The following SUPT4H1 variants were observed in gnomAD, a reference collection of about 807,000 sequenced individuals.
SUPT4H1 encodes SPT4 homolog, DSIF elongation factor subunit.
Under a neutral mutation model 19.4 loss-of-function variants are expected in SUPT4H1, and 12 were observed. The ratio of observed to expected loss-of-function variants is 0.62; its 90% CI spans 0.40 to 1.00. SUPT4H1 has a LOEUF of 1.00. SUPT4H1 is among the 50% of genes least tolerant of loss of function. The pLI, the probability that SUPT4H1 is intolerant of heterozygous loss-of-function variation, is 0.00. For missense variants in SUPT4H1, 115 were observed against 149.2 expected (o/e 0.77, Z 1.19); for synonymous variants, 58 against 56.3 (o/e 1.03, Z -0.14).
In SUPT4H1 at chr17:58,352,174, A is replaced by G. The variant is rs753303779; in HGVS notation, c.-39T>C. 1.2e-6 allele frequency: 2 copies of G among 1,601,156 alleles called. No individual in the cohort carries two copies. Among genetic ancestry groups the G allele is most frequent in the Non-Finnish European group, 1.7e-6 (2 of 1,168,650 alleles). On this transcript the variant is annotated 5_prime_UTR_variant, in exon 1 of 5. Transcript: ENST00000225504. ...AAGAACAACAGGGAGATAGACGACCACAGCCTGTGCACCCGCAGGAAGTAA... is the reference window on the plus strand; with the variant it reads ...AAGAACAACAGGGAGATAGACGACCGCAGCCTGTGCACCCGCAGGAAGTAA...
chr17:58,350,324 C>T (rs1972451338), intron 2 of SUPT4H1, among the ~76,000 whole-genome samples: 1 of 151,696 alleles, frequency 6.6e-6, no homozygotes, highest in African/African-American at 2.4e-5. Context: ...CCAGTCTGAC[C>T]AACATGGTGA....
chr17:58,346,341 G>GT, intron 4 of SUPT4H1, 28 bp from the exon 5 acceptor site: 1 of 1,609,172 alleles, frequency 6.2e-7, no homozygotes, highest in Non-Finnish European at 8.5e-7. Flanking sequence ...ACAGTTCTGT[G>GT]AGGTAAGATT....
intron 1 of SUPT4H1, 67 bp from the exon 2 acceptor site, chr17:58,351,575 C>CT: frequency 8.9e-7 from 1 of 1,120,948 alleles, no homozygotes; most frequent in Non-Finnish European, 1.3e-6. Context: ...GAAAAAGTAG[C>CT]TTTCTCAATA....
chr17:58,351,441 C>T lies in SUPT4H1; in HGVS notation c.137G>A (p.Arg46Gln). The T allele has an allele frequency of 5.6e-6, 9 of 1,613,954 alleles. No individual in the cohort carries two copies. Among genetic ancestry groups the T allele is most frequent in the African/African-American group, 1.3e-5 (1 of 74,972 alleles). The change falls in exon 2 of 5, where the codon CGA (arginine) becomes CAA (glutamine). Residue 46 changes from arginine to glutamine, a missense_variant. Arg to Gln is a conservative substitution (Grantham distance 43, BLOSUM62 1). Coordinates refer to ENST00000225504, the MANE Select transcript of SUPT4H1 (RefSeq NM_003168.3). ...GCTAGTGCAGTCATATACCATCTCT[C>T]GGTTACCCTTCATTTGTAGATATGC... is the stretch of plus-strand genomic sequence containing the variant. ...CDAYLQMKGNREMVYDCTSSS... is the reference protein window; with the variant it reads ...CDAYLQMKGNQEMVYDCTSSS...
Position 58,351,500 on chromosome 17 carries a change from G to A in SUPT4H1, c.78C>T (p.Asp26=). Residue 26 remains aspartate (D), a synonymous_variant, in exon 2 of 5, where the codon GAC becomes GAT. Coordinates refer to ENST00000225504, the MANE Select transcript of SUPT4H1 (RefSeq NM_003168.3). ...TGTCACAACCATCATATTCAAACTG[G>A]TCTATAGTCTGGGAGTGAAAGAAAA... The part of the protein sequence containing the change: ...CLLCSLVKTI[D]QFEYDGCDNC... 1 of 1,610,774 alleles carries A rather than the reference G, an allele frequency of 6.2e-7. No individual in the cohort carries two copies. The highest frequency in any genetic ancestry group is 8.5e-7 in the Non-Finnish European group (1 of 1,177,244).
chr17:58,349,982 T>C (rs764100390), intron 2 of SUPT4H1, among the ~76,000 whole-genome samples: 5 of 152,190 alleles, frequency 3.3e-5, no homozygotes, highest in Non-Finnish European at 5.9e-5. Flanking sequence ...TGCCACTGAA[T>C]TGTGTATTTA....
Position 58,351,785 on chromosome 17 carries a change from C to T in SUPT4H1, c.70-277G>A, listed in dbSNP as rs1285574781. ...CGACTACTCACTCAGCAGCGGATCC[C>T]CACCCGCCTCTGACTCCCAGTGTCT... is the stretch of plus-strand genomic sequence containing the variant. On this transcript the variant is annotated intron_variant, in intron 1 of 4. Coordinates refer to ENST00000225504, the MANE Select transcript of SUPT4H1 (RefSeq NM_003168.3). 7.0e-6 allele frequency: 4 copies of T among 572,238 alleles called. No individual in the cohort carries two copies. In the African/African-American group the frequency reaches 7.6e-5, roughly 11 times the overall value. 35.4% of individuals were successfully genotyped at this position (572,238 alleles called of 1,614,324 possible). A position where few individuals can be genotyped will look rare whatever the true frequency, so the allele number is the denominator to read the frequency against.
Position 58,346,164 on chromosome 17 carries a change from A to G in SUPT4H1, c.*82T>C, listed in dbSNP as rs1250528182. 2.7e-6 allele frequency: 3 copies of G among 1,117,712 alleles called. No individual in the cohort carries two copies. The highest frequency in any genetic ancestry group is 4.1e-6 in the Non-Finnish European group (3 of 731,122). 69.2% of individuals were successfully genotyped at this position (1,117,712 alleles called of 1,614,324 possible). A position where few individuals can be genotyped will look rare whatever the true frequency, so the allele number is the denominator to read the frequency against. On this transcript the variant is annotated 3_prime_UTR_variant, in exon 5 of 5. Transcript: ENST00000225504. ...GAATTGGAGGGTAGGAAGTATTTGA[A>G]GTTCTGTTCATTTAGTTCCAGAACA...
At chr17:58,351,322 T>A in intron 2 of SUPT4H1, 80 bp downstream of exon 2, 2 of 953,290 alleles carry the variant, frequency 2.1e-6, no homozygotes, top group Non-Finnish European at 3.2e-6. Flanking sequence ...CCAACTAGGA[T>A]TAACACTTGC....
intron 2 of SUPT4H1, among the ~76,000 whole-genome samples, chr17:58,348,307 C>G (rs1292800085): frequency 1.3e-5 from 2 of 152,166 alleles, no homozygotes; most frequent in Non-Finnish European, 2.9e-5. Context: ...TACTGACTGC[C>G]TATTGTGTGG....
At chr17:58,347,874 G>A (rs902802986) in intron 2 of SUPT4H1, among the ~76,000 whole-genome samples, 1 of 152,218 alleles carries the variant, frequency 6.6e-6, no homozygotes, top group Non-Finnish European at 1.5e-5. Flanking sequence ...ACGGCTTTAG[G>A]ACAAGGGGTC....
intron 2 of SUPT4H1, among the ~76,000 whole-genome samples, chr17:58,350,261 C>G (rs961360533): frequency 1.3e-5 from 2 of 151,886 alleles, no homozygotes; most frequent in Non-Finnish European, 2.9e-5. Context: ...CTCCTGTAAT[C>G]CCAGCACTTT....
intron 2 of SUPT4H1, among the ~76,000 whole-genome samples, chr17:58,348,264 A>C (rs1000187834): frequency 6.6e-6 from 1 of 152,170 alleles, no homozygotes; most frequent in African/African-American, 2.4e-5. Flanking sequence ...ATGGGTAAGC[A>C]TTTTTGTCAT....
chr17:58,351,821 A>G lies in SUPT4H1; in HGVS notation c.69+246T>C, dbSNP rs1972535734. 1.0e-5 allele frequency: 6 copies of G among 577,858 alleles called. No homozygotes were observed. The South Asian group carries it at 1.3e-4, about 12-fold the overall frequency. 35.8% of individuals were successfully genotyped at this position (577,858 alleles called of 1,614,324 possible). Reference sequence around the variant, plus strand: ...TGACTCCCAGTGTCTTTCGGCTCCAACGTAAGTTCACCGAACGTCTAAGAG... The same window carrying G: ...TGACTCCCAGTGTCTTTCGGCTCCAGCGTAAGTTCACCGAACGTCTAAGAG... On this transcript the variant is annotated intron_variant, in intron 1 of 4. Coordinates refer to ENST00000225504, the MANE Select transcript of SUPT4H1 (RefSeq NM_003168.3).
Position 58,346,024 on chromosome 17 carries a change from TCTC to T in SUPT4H1, c.*219_*221del, listed in dbSNP as rs1337337288. 2 of 505,910 alleles carry T rather than the reference TCTC, an allele frequency of 4.0e-6. No homozygotes were observed. The highest frequency in any genetic ancestry group is 7.2e-6 in the Non-Finnish European group (2 of 278,808). The allele number at this position is 505,910 out of a possible 1,614,324, so 31.3% of individuals were successfully genotyped here. ...GGGTAGGAAAATCAGCATCCTACTCTCTCCTCAATTCCATCTGTTAATCCACCA... is the reference window on the plus strand; with the variant it reads ...GGGTAGGAAAATCAGCATCCTACTCTCTCAATTCCATCTGTTAATCCACCA... On this transcript the variant is annotated 3_prime_UTR_variant, in exon 5 of 5. Transcript: ENST00000225504.
chr17:58,349,941 T>C (rs1294965336), intron 2 of SUPT4H1, among the ~76,000 whole-genome samples: 1 of 152,214 alleles, frequency 6.6e-6, no homozygotes, highest in Non-Finnish European at 1.5e-5. Flanking sequence ...TGGATGGTGG[T>C]GACGGTTGCA....
chr17:58,345,449 A>G lies in SUPT4H1; in HGVS notation c.*797T>C, dbSNP rs1282154838. 1 of 152,230 alleles carries G rather than the reference A, an allele frequency of 6.6e-6. No homozygotes were observed. The highest frequency in any genetic ancestry group is 2.1e-4 in the South Asian group (1 of 4,826). 9.4% of individuals were successfully genotyped at this position (152,230 alleles called of 1,614,324 possible). A position where few individuals can be genotyped will look rare whatever the true frequency, so the allele number is the denominator to read the frequency against. On this transcript the variant is annotated 3_prime_UTR_variant, in exon 5 of 5. Coordinates refer to ENST00000225504, the MANE Select transcript of SUPT4H1 (RefSeq NM_003168.3). ...AAGGTCCCCTACTAGGCCGGAGGAGAAAAGGACCTACCTCCTACAGGGGCA... is the reference window on the plus strand; with the variant it reads ...AAGGTCCCCTACTAGGCCGGAGGAGGAAAGGACCTACCTCCTACAGGGGCA...
At chr17:58,351,886 G>C in intron 1 of SUPT4H1, 181 bp downstream of exon 1, 1 of 643,504 alleles carries the variant, frequency 1.6e-6, no homozygotes, top group South Asian at 1.9e-5. Flanking sequence ...CCTGCCCTCA[G>C]CTGCAAGACC....
chr17:58,350,153 G>A (rs1972443156), intron 2 of SUPT4H1, among the ~76,000 whole-genome samples: 1 of 152,172 alleles, frequency 6.6e-6, no homozygotes, highest in Non-Finnish European at 1.5e-5. Context: ...GGGCGTGGTG[G>A]TGGGCGCCTG....
Sources: gnomAD v4.1 joint callset for allele counts (sites outside exome capture counted in the v4.1 genomes callset) on GRCh38, gnomAD v4.1.1 for gene constraint, MANE v1.5 for transcripts, NCBI Gene and HGNC (gene_info 2026-07-23, HGNC 2026-07-21) for gene names.